The following TMLHE variants were observed in gnomAD, a reference collection of about 807,000 sequenced individuals.
TMLHE encodes the protein trimethyllysine hydroxylase, epsilon.
In TMLHE, 18 loss-of-function variants were observed where a neutral mutation model predicts 25.7. That is an observed-to-expected ratio of 0.70 (90% CI 0.48 to 1.04). The LOEUF is 1.04. Among genes scored for constraint, TMLHE ranks in the 50% least tolerant of loss-of-function variants. The pLI, the probability that TMLHE is intolerant of heterozygous loss-of-function variation, is 0.00. For synonymous variants in TMLHE, 105 were observed against 97.0 expected, an observed-to-expected ratio of 1.08 and a Z score of -0.49; for missense variants, 236 against 259.0, an observed-to-expected ratio of 0.91 and a Z score of 0.61.
intron 6 of TMLHE, among the ~76,000 whole-genome samples, chrX:155,504,961 T>A (rs1324125234): frequency 9.0e-6 from 1 of 111,567 alleles, no homozygotes; most frequent in Admixed American, 9.5e-5. Flanking sequence ...AATAGGTATA[T>A]GCATTGGTCA....
At chrX:155,579,504 G>C (rs183133999) in intron 1 of TMLHE, among the ~76,000 whole-genome samples, 1 of 112,052 alleles carries the variant, frequency 8.9e-6, no homozygotes, top group Non-Finnish European at 1.9e-5. Flanking sequence ...ATGGGGAAAA[G>C]ACACCCTTTA....
intron 1 of TMLHE, among the ~76,000 whole-genome samples, chrX:155,548,803 G>C (rs1247280401): frequency 9.1e-6 from 1 of 109,983 alleles, no homozygotes; most frequent in Non-Finnish European, 1.9e-5. Context: ...AGTATGAACA[G>C]ACATTTCTAA....
chrX:155,546,736 A>G (rs782018541), intron 1 of TMLHE, among the ~76,000 whole-genome samples: 2 of 111,703 alleles, frequency 1.8e-5, no homozygotes, highest in East Asian at 5.6e-4. Flanking sequence ...GAGGGCAAAG[A>G]GGAGAGCACA....
chrX:155,555,125 T>C (rs2067441265), intron 1 of TMLHE, among the ~76,000 whole-genome samples: 1 of 109,868 alleles, frequency 9.1e-6, no homozygotes, highest in South Asian at 3.9e-4. Flanking sequence ...AGTGAGAACA[T>C]GCGGTGTTGG....
At position 155,591,574 on chromosome X, in the gene TMLHE, T is replaced by C. The variant is rs149267344; in HGVS notation, c.-2+21218A>G. Reference sequence around the variant, plus strand: ...TTAAGAAAAACATATAAATAATCCATGAGCTAAAGAAGAAACCAAGGGGAA... The same window carrying C: ...TTAAGAAAAACATATAAATAATCCACGAGCTAAAGAAGAAACCAAGGGGAA... On this transcript the variant is annotated intron_variant, in intron 1 of 7. Transcript: ENST00000334398. Among the ~76,000 whole-genome samples the C allele has an allele frequency of 7.0e-3, 779 of 111,653 alleles. 6 individuals are homozygous for C. Among genetic ancestry groups the C allele is most frequent in the African/African-American group, 0.024 (739 of 30,875 alleles).
intron 6 of TMLHE, among the ~76,000 whole-genome samples, chrX:155,505,693 C>A (rs2067072158): frequency 9.0e-6 from 1 of 111,232 alleles, no homozygotes; most frequent in African/African-American, 3.3e-5. Context: ...GTACTTATCA[C>A]AATTTGATAT....
At chrX:155,580,330 T>TA (rs1412305479) in intron 1 of TMLHE, among the ~76,000 whole-genome samples, 15 of 108,909 alleles carry the variant, frequency 1.4e-4, no homozygotes, top group Middle Eastern at 4.7e-3. Context: ...TACTAAAAAG[T>TA]AAAAAAAAAC....
rs1362095504 is a variant in TMLHE, at chrX:155,562,294, A to G, written c.-1-17017T>C. On this transcript the variant is annotated intron_variant, in intron 1 of 7. Transcript: ENST00000334398. Reference sequence around the variant, plus strand: ...CTTGCATCCTCTGAAGCAATGTACCATGGCCCCTTTAAGCCACAGTTGGAG... The same window carrying G: ...CTTGCATCCTCTGAAGCAATGTACCGTGGCCCCTTTAAGCCACAGTTGGAG... Among the ~76,000 whole-genome samples, 3 of 61,880 alleles carry G rather than the reference A, an allele frequency of 4.8e-5. 1 individual carries two copies. The highest frequency in any genetic ancestry group is 1.4e-4 in the Non-Finnish European group (3 of 22,014). The allele number at this position is 61,880 out of a possible 115,157, so 53.7% of individuals were successfully genotyped here.
chrX:155,583,831 G>A (rs1175797415), intron 1 of TMLHE, among the ~76,000 whole-genome samples: 1 of 111,063 alleles, frequency 9.0e-6, no homozygotes, highest in Non-Finnish European at 1.9e-5. Context: ...AGTGAGGGAT[G>A]AGAAATTATT....
intron 1 of TMLHE, among the ~76,000 whole-genome samples, chrX:155,590,536 C>T (rs1255845602): frequency 9.0e-6 from 1 of 111,321 alleles, no homozygotes; most frequent in Non-Finnish European, 1.9e-5. Flanking sequence ...ACATAATATA[C>T]ATTACTTTAA....
chrX:155,589,156 G>T (rs782111611), intron 1 of TMLHE, among the ~76,000 whole-genome samples: 1 of 111,859 alleles, frequency 8.9e-6, no homozygotes, highest in South Asian at 3.7e-4. Flanking sequence ...CCATAAAAAA[G>T]AATGAAATCG....
In TMLHE at chrX:155,603,681, G is replaced by A. The variant is rs1449052344; in HGVS notation, c.-2+9111C>T. Reference sequence around the variant, plus strand: ...AAGTCAATTCAACAGGAAAAGGTTAGTTTTTCAACAAATGATGATAGTACA... The same window carrying A: ...AAGTCAATTCAACAGGAAAAGGTTAATTTTTCAACAAATGATGATAGTACA... On this transcript the variant is annotated intron_variant, in intron 1 of 7. Transcript: ENST00000334398. 2.7e-5 allele frequency among the ~76,000 whole-genome samples: 3 copies of A among 112,015 alleles called. No homozygotes were observed. In the East Asian group the frequency reaches 8.4e-4, roughly 31 times the overall value.
chrX:155,558,453 T>G (rs1279531340), intron 1 of TMLHE, among the ~76,000 whole-genome samples: 1 of 112,000 alleles, frequency 8.9e-6, no homozygotes, highest in African/African-American at 3.2e-5. Flanking sequence ...ATGCTGGATG[T>G]TCCTCAATAG....
rs980372999 is a variant in TMLHE, at chrX:155,547,070, C to T, written c.-1-1793G>A. Among the ~76,000 whole-genome samples, 10 of 111,225 alleles carry T rather than the reference C, an allele frequency of 9.0e-5. No homozygotes were observed. The East Asian group carries it at 2.2e-3, about 25-fold the overall frequency. ...ATCAAATACTCTTCTCCCACTACAT[C>T]GAAAAATCTCCCAAAAATCTACTCT... is the stretch of plus-strand genomic sequence containing the variant. On this transcript the variant is annotated intron_variant, in intron 1 of 7. Coordinates refer to ENST00000334398, the MANE Select transcript of TMLHE (RefSeq NM_018196.4).
intron 1 of TMLHE, among the ~76,000 whole-genome samples, chrX:155,562,240 C>T (rs146972474): frequency 0.014 from 862 of 62,133 alleles, 105 homozygotes; most frequent in African/African-American, 0.029. Context: ...ACAGGCCCAA[C>T]ACCACATGGC....
rs2067517286 is a variant in TMLHE at position 155,567,983 on chromosome X, C to T, written c.-1-22706G>A. 3.3e-5 allele frequency among the ~76,000 whole-genome samples: 2 copies of T among 61,479 alleles called. 1 individual carries two copies. The highest frequency in any genetic ancestry group is 7.2e-5 in the African/African-American group (2 of 27,695). The allele number at this position is 61,479 out of a possible 115,157, so 53.4% of individuals were successfully genotyped here. ...TCATTAGGGAGTGCCAGACAGTGGG[C>T]GCAGGACAGTGGGTGCAGCACACTG... is the stretch of plus-strand genomic sequence containing the variant. On this transcript the variant is annotated intron_variant, in intron 1 of 7. Transcript: ENST00000334398.
At chrX:155,543,730 C>T (rs1012527710) in intron 2 of TMLHE, among the ~76,000 whole-genome samples, 9 of 112,395 alleles carry the variant, frequency 8.0e-5, no homozygotes, top group Admixed American at 1.9e-4. Context: ...TGGTTCTGAT[C>T]TTGCTTTGTC....
At chrX:155,565,306 A>G (rs2067508602) in intron 1 of TMLHE, among the ~76,000 whole-genome samples, 1 of 61,680 alleles carries the variant, frequency 1.6e-5, no homozygotes, top group Admixed American at 1.9e-4. Context: ...CATAATGGGT[A>G]TGGCTTGTGG....
rs1387861397 is a variant in TMLHE, at chrX:155,568,649, C to T, written c.-1-23372G>A. Reference sequence around the variant, plus strand: ...CTCTGAGACAAAACTTCCAGAGGAACGATCAGACAGCAGCATTCGCGGTTC... The same window carrying T: ...CTCTGAGACAAAACTTCCAGAGGAATGATCAGACAGCAGCATTCGCGGTTC... On this transcript the variant is annotated intron_variant, in intron 1 of 7. Transcript: ENST00000334398. Among the ~76,000 whole-genome samples, 4 of 61,913 alleles carry T rather than the reference C, an allele frequency of 6.5e-5. 2 individuals carry two copies. The highest frequency in any genetic ancestry group is 1.5e-3 in the East Asian group (2 of 1,377). 53.8% of individuals were successfully genotyped at this position (61,913 alleles called of 115,157 possible).
Sources: gnomAD v4.1 joint callset for allele counts (sites outside exome capture counted in the v4.1 genomes callset) on GRCh38, gnomAD v4.1.1 for gene constraint, MANE v1.5 for transcripts, NCBI Gene and HGNC (gene_info 2026-07-23, HGNC 2026-07-21) for gene names.